The following CCDC134 variants were observed in gnomAD, a reference collection of about 807,000 sequenced individuals.
CCDC134 encodes the protein coiled-coil domain containing 134, also known as coiled-coil domain-containing protein 134.
In CCDC134, 27 loss-of-function variants were observed where a neutral mutation model predicts 25.6. The observed-to-expected ratio is 1.05, with a 90% CI of 0.78 to 1.45. CCDC134 has a LOEUF of 1.45. Among genes scored for constraint, CCDC134 ranks in the 40% most tolerant of loss-of-function variants. The pLI is 0.00. For missense variants in CCDC134, 261 were observed against 286.7 expected (o/e 0.91, Z 0.65); for synonymous variants, 110 against 115.0 (o/e 0.96, Z 0.28).
rs2076713313 is a variant in CCDC134 at position 41,831,841 on chromosome 22, G to C, written c.*6018G>C. ...TAGACTGGAAGCTCTCAGAGGGCAG[G>C]AACCATTTGTTTCCCTGCCACAGAG... On this transcript the variant is annotated 3_prime_UTR_variant, in exon 7 of 7. Coordinates refer to ENST00000255784, the MANE Select transcript of CCDC134 (RefSeq NM_024821.5). The C allele has an allele frequency of 6.6e-6, 1 of 151,982 alleles. No homozygotes were observed. The highest frequency in any genetic ancestry group is 2.1e-4 in the South Asian group (1 of 4,824). The allele number at this position is 151,982 out of a possible 1,614,324, so 9.4% of individuals were successfully genotyped here. A position where few individuals can be genotyped will look rare whatever the true frequency, so the allele number is the denominator to read the frequency against.
intron 6 of CCDC134, among the ~76,000 whole-genome samples, chr22:41,816,025 T>C (rs2076621279): frequency 6.6e-6 from 1 of 152,360 alleles, no homozygotes; most frequent in South Asian, 2.1e-4. Flanking sequence ...AGTCTCATTT[T>C]GGATAATCAG....
In CCDC134 at chr22:41,829,007, C is replaced by A. The variant is rs796306892; in HGVS notation, c.*3184C>A. 6.6e-6 allele frequency among the ~76,000 whole-genome samples: 1 copy of A among 152,272 alleles called. No homozygotes were observed. The highest frequency in any genetic ancestry group is 6.5e-5 in the Admixed American group (1 of 15,290). On this transcript the variant is annotated 3_prime_UTR_variant, in exon 7 of 7. Coordinates refer to ENST00000255784, the MANE Select transcript of CCDC134 (RefSeq NM_024821.5). Reference sequence around the variant, plus strand: ...CTATTAACGTTTGGGGCTAGGTAATCGTTGGGTGTGTGAGTGTGAAGAGGG... The same window carrying A: ...CTATTAACGTTTGGGGCTAGGTAATAGTTGGGTGTGTGAGTGTGAAGAGGG...
intron 6 of CCDC134, among the ~76,000 whole-genome samples, chr22:41,820,604 G>C (rs142307892): frequency 6.2e-4 from 94 of 152,328 alleles, no homozygotes; most frequent in African/African-American, 2.1e-3. Flanking sequence ...GAAATGGTCA[G>C]GTTCTGCTTC....
At position 41,825,974 on chromosome 22, in the gene CCDC134, C is replaced by G; in HGVS notation, c.*151C>G. 1 of 1,079,574 alleles carries G rather than the reference C, an allele frequency of 9.3e-7. No individual in the cohort carries two copies. The highest frequency in any genetic ancestry group is 1.3e-6 in the Non-Finnish European group (1 of 744,948). 66.9% of individuals were successfully genotyped at this position (1,079,574 alleles called of 1,614,324 possible). On this transcript the variant is annotated 3_prime_UTR_variant, in exon 7 of 7. Transcript: ENST00000255784. This position sits in a 1 kb window ranked among gnomAD's most constrained non-coding sequence, Gnocchi z 4.4. ...GCCCCCTGGAGCTGGGTCTGAGCCCCAGCTGAAGGGACTGAGCCTCAGATG... is the reference window on the plus strand; with the variant it reads ...GCCCCCTGGAGCTGGGTCTGAGCCCGAGCTGAAGGGACTGAGCCTCAGATG...
intron 1 of CCDC134, among the ~76,000 whole-genome samples, chr22:41,807,500 T>C (rs2076573863): frequency 6.7e-6 from 1 of 149,032 alleles, no homozygotes; most frequent in Non-Finnish European, 1.5e-5. Flanking sequence ...AAGTGGAGGC[T>C]GCAATGAGCC....
chr22:41,802,821 G>A (rs1033743235), intron 1 of CCDC134, among the ~76,000 whole-genome samples: 22 of 152,026 alleles, frequency 1.4e-4, no homozygotes, highest in Non-Finnish European at 2.8e-4. Flanking sequence ...GGCTGAGGCA[G>A]GAGAATGGCG....
rs1445729713 is a variant in CCDC134, at chr22:41,829,866, C to T, written c.*4043C>T. The stretch of plus-strand genomic sequence containing the variant: ...TCGGCTCACTGCAACCCCCGCCTCC[C>T]GGGTTCAAGTGATTCTTCTGCCTCA... On this transcript the variant is annotated 3_prime_UTR_variant, in exon 7 of 7. Transcript: ENST00000255784. Among the ~76,000 whole-genome samples, 26 of 152,040 alleles carry T rather than the reference C, an allele frequency of 1.7e-4. No homozygotes were observed. The highest frequency in any genetic ancestry group is 6.6e-5 in the Admixed American group (1 of 15,262).
At chr22:41,801,293 T>G (rs184030867) in intron 1 of CCDC134, among the ~76,000 whole-genome samples, 41 of 152,214 alleles carry the variant, frequency 2.7e-4, no homozygotes, top group African/African-American at 9.4e-4. Flanking sequence ...TAGGTTTCAC[T>G]TATCTCGTCT....
chr22:41,827,252 A>G lies in CCDC134; in HGVS notation c.*1429A>G, dbSNP rs1005788996. On this transcript the variant is annotated 3_prime_UTR_variant, in exon 7 of 7. Coordinates refer to ENST00000255784, the MANE Select transcript of CCDC134 (RefSeq NM_024821.5). Reference sequence around the variant, plus strand: ...GGGGGCTGGGAGGAGTGCTGGAGAAATTTCCCCATCAGAAGGCCCCTCACT... The same window carrying G: ...GGGGGCTGGGAGGAGTGCTGGAGAAGTTTCCCCATCAGAAGGCCCCTCACT... Among the ~76,000 whole-genome samples, 3 of 152,040 alleles carry G rather than the reference A, an allele frequency of 2.0e-5. No individual in the cohort carries two copies. The highest frequency in any genetic ancestry group is 7.2e-5 in the African/African-American group (3 of 41,390).
intron 6 of CCDC134, among the ~76,000 whole-genome samples, chr22:41,814,098 TCCCACTTC>T (rs2076611299): frequency 1.3e-5 from 2 of 152,174 alleles, no homozygotes; most frequent in Admixed American, 1.3e-4. Flanking sequence ...AAAATAGGCA[TCCCACTTC>T]AGGTGGATAT....
chr22:41,825,936 C>A lies in CCDC134; in HGVS notation c.*113C>A. The A allele has an allele frequency of 7.0e-7, 1 of 1,434,810 alleles. No individual in the cohort carries two copies. The highest frequency in any genetic ancestry group is 1.3e-5 in the South Asian group (1 of 74,816). 88.9% of individuals were successfully genotyped at this position (1,434,810 alleles called of 1,614,324 possible). On this transcript the variant is annotated 3_prime_UTR_variant, in exon 7 of 7. Transcript: ENST00000255784. This position sits in a 1 kb window ranked among gnomAD's most constrained non-coding sequence, Gnocchi z 4.4. Reference sequence around the variant, plus strand: ...AGCTAGCCCCTTCCAGAAGGGGAGGCCACATTTGCCCGGCCCCCTGGAGCT... The same window carrying A: ...AGCTAGCCCCTTCCAGAAGGGGAGGACACATTTGCCCGGCCCCCTGGAGCT...
At chr22:41,810,578 C>T (rs1289995837) in intron 4 of CCDC134, among the ~76,000 whole-genome samples, 1 of 144,796 alleles carries the variant, frequency 6.9e-6, no homozygotes, top group African/African-American at 2.6e-5. Flanking sequence ...TCACTGCAAC[C>T]TCCACTTCCC....
intron 6 of CCDC134, among the ~76,000 whole-genome samples, chr22:41,817,574 A>T (rs1036027175): frequency 8.6e-5 from 13 of 152,020 alleles, no homozygotes; most frequent in Non-Finnish European, 1.8e-4. Flanking sequence ...TCTACTAAAA[A>T]TACAAAAATT....
intron 1 of CCDC134, among the ~76,000 whole-genome samples, chr22:41,804,318 G>A (rs908213155): frequency 1.3e-5 from 2 of 152,180 alleles, no homozygotes; most frequent in Non-Finnish European, 2.9e-5. Context: ...CACAAGGCTT[G>A]TACCTTAAAG....
intron 6 of CCDC134, among the ~76,000 whole-genome samples, chr22:41,814,341 G>A (rs1009457231): frequency 3.9e-5 from 6 of 152,258 alleles, no homozygotes; most frequent in South Asian, 4.1e-4. Flanking sequence ...CGAGGCGGGT[G>A]GATCACCTGA....
rs767005521 is a variant in CCDC134 at position 41,813,741 on chromosome 22, T to C, written c.493-10T>C. 1 of 1,613,688 alleles carries C rather than the reference T, an allele frequency of 6.2e-7. No individual in the cohort carries two copies. Among genetic ancestry groups the C allele is most frequent in the East Asian group, 2.2e-5 (1 of 44,872 alleles). ...AAGGCAGATGATGACTAGTGTTTCT[T>C]CATCTGCAGATGGCCCAGGAGCTGG... is the stretch of plus-strand genomic sequence containing the variant. On this transcript the variant is annotated splice_polypyrimidine_tract_variant and intron_variant, in intron 5 of 6. Coordinates refer to ENST00000255784, the MANE Select transcript of CCDC134 (RefSeq NM_024821.5).
intron 6 of CCDC134, among the ~76,000 whole-genome samples, chr22:41,822,598 G>A (rs56229399): frequency 0.12 from 17,664 of 152,200 alleles, 1,581 homozygotes; most frequent in Admixed American, 0.31. Flanking sequence ...GAAAGGATGG[G>A]TGTGTTTCTC....
intron 6 of CCDC134, among the ~76,000 whole-genome samples, chr22:41,814,791 A>G (rs2076614724): frequency 6.6e-6 from 1 of 152,150 alleles, no homozygotes; most frequent in African/African-American, 2.4e-5. Context: ...GGTCAGAGAC[A>G]TTGGACTGTA....
In CCDC134 at chr22:41,830,884, C is replaced by CTTTTTTT. The variant is rs67246997; in HGVS notation, c.*5077_*5083dup. On this transcript the variant is annotated 3_prime_UTR_variant, in exon 7 of 7. Transcript: ENST00000255784. Reference sequence around the variant, plus strand: ...AGATCCTTATTTTTTCTTTTCTTTTCTTTTTTTTTTTTTTTTTTTTTTGAG... The same window carrying CTTTTTTT: ...AGATCCTTATTTTTTCTTTTCTTTTCTTTTTTTTTTTTTTTTTTTTTTTTTTTTTGAG... Among the ~76,000 whole-genome samples the CTTTTTTT allele has an allele frequency of 3.5e-4, 41 of 117,292 alleles. No homozygotes were observed. The highest frequency in any genetic ancestry group is 8.2e-4 in the African/African-American group (21 of 25,458). The allele number at this position is 117,292 out of a possible 152,430, so 76.9% of individuals were successfully genotyped here.
Sources: gnomAD v4.1 joint callset for allele counts (sites outside exome capture counted in the v4.1 genomes callset) on GRCh38, gnomAD v4.1.1 for gene constraint, Gnocchi (gnomAD v3.1) non-coding constraint, MANE v1.5 for transcripts, NCBI Gene and HGNC (gene_info 2026-07-23, HGNC 2026-07-21) for gene names.